The following GNAO1 variants were observed in gnomAD, a reference collection of about 807,000 sequenced individuals.
GNAO1 encodes guanine nucleotide-binding protein G(o) subunit alpha.
For missense variants in GNAO1, 166 were observed against 478.7 expected (o/e 0.35, Z 6.10); for synonymous variants, 164 against 180.7 (o/e 0.91, Z 0.74).
chr16:56,337,265 C>A (rs547809120), intron 6 of GNAO1, among the ~76,000 whole-genome samples: 1 of 152,314 alleles, frequency 6.6e-6, no homozygotes, highest in Admixed American at 6.5e-5. Flanking sequence ...GGGGCACTGG[C>A]GTCAGATGCT....
At chr16:56,208,867 CT>C (rs1236296665) in intron 2 of GNAO1, among the ~76,000 whole-genome samples, 1 of 152,020 alleles carries the variant, frequency 6.6e-6, no homozygotes, top group Non-Finnish European at 1.5e-5. Context: ...GTTGTAAATA[CT>C]AGTCTTTTTT....
chr16:56,199,708 A>G (rs2036264753), intron 2 of GNAO1, among the ~76,000 whole-genome samples: 1 of 152,220 alleles, frequency 6.6e-6, no homozygotes, highest in African/African-American at 2.4e-5. Flanking sequence ...TCGGGTTTCC[A>G]GCTCTAAGAT....
intron 2 of GNAO1, chr16:56,235,065 A>G (rs1223970590): frequency 3.1e-6 from 1 of 324,050 alleles, no homozygotes; most frequent in African/African-American, 2.2e-5. Flanking sequence ...TGCAAAAGAC[A>G]CCTATTCGCT....
intron 2 of GNAO1, among the ~76,000 whole-genome samples, chr16:56,206,902 C>T (rs1349022195): frequency 6.6e-6 from 1 of 152,208 alleles, no homozygotes; most frequent in Admixed American, 6.5e-5. Flanking sequence ...GGCTTCCTTA[C>T]ACCAGCTTAT....
intron 2 of GNAO1, among the ~76,000 whole-genome samples, chr16:56,268,026 A>G (rs1194797879): frequency 6.6e-6 from 1 of 152,026 alleles, no homozygotes. Context: ...CCCCTCTCCC[A>G]GGGGAGCATC....
chr16:56,194,638 A>AG lies in GNAO1; in HGVS notation c.161+2027dup, dbSNP rs1231713166. 5 of 158,708 alleles carry AG rather than the reference A, an allele frequency of 3.2e-5. No individual in the cohort carries two copies. The East Asian group carries it at 4.5e-4, about 14-fold the overall frequency. The allele number at this position is 158,708 out of a possible 1,614,324, so 9.8% of individuals were successfully genotyped here. On this transcript the variant is annotated intron_variant, in intron 2 of 8. Coordinates refer to ENST00000262493, the MANE Select transcript of GNAO1 (RefSeq NM_020988.3). The stretch of plus-strand genomic sequence containing the variant: ...GGCGGAGAGAGCCGAGCCGCTTCGG[A>AG]GGGGGTCGAAAGCATTCGGAAATAC...
intron 4 of GNAO1, among the ~76,000 whole-genome samples, chr16:56,331,560 T>C (rs1219642049): frequency 6.6e-6 from 1 of 151,934 alleles, no homozygotes; most frequent in Non-Finnish European, 1.5e-5. Context: ...ACCTGGTACC[T>C]CCTTTCACTC....
rs191906239 is a variant in GNAO1, at chr16:56,218,489, G to T, written c.161+25873G>T. 4.5e-3 allele frequency among the ~76,000 whole-genome samples: 687 copies of T among 152,262 alleles called. 1 individual carries two copies. The highest frequency in any genetic ancestry group is 7.1e-3 in the Non-Finnish European group (480 of 68,020). On this transcript the variant is annotated intron_variant, in intron 2 of 8. Coordinates refer to ENST00000262493, the MANE Select transcript of GNAO1 (RefSeq NM_020988.3). ...ATAAAATGAGAGATGACGAGACCTG[G>T]TGAACTTGGGGCCCAACTATACCAT...
chr16:56,334,355 A>G (rs1474485640), intron 4 of GNAO1, among the ~76,000 whole-genome samples: 1 of 152,262 alleles, frequency 6.6e-6, no homozygotes, highest in East Asian at 1.9e-4. Flanking sequence ...CAGGGAAATT[A>G]CACATGAAAC....
At position 56,192,363 on chromosome 16, in the gene GNAO1, G is replaced by GTA; in HGVS notation, c.118+10_118+11insTA. 6.7e-7 allele frequency: 1 copy of GTA among 1,487,744 alleles called. No homozygotes were observed. The highest frequency in any genetic ancestry group is 9.4e-7 in the Non-Finnish European group (1 of 1,066,556). 92.2% of individuals were successfully genotyped at this position (1,487,744 alleles called of 1,614,324 possible). ...AAATTACTCCTGCTCGGTAAGGACC[G>GTA]CCGCTGCTACCCCCATCCCCCGACC... On this transcript the variant is annotated intron_variant, in intron 1 of 8. Transcript: ENST00000262493.
At chr16:56,328,482 C>T in intron 3 of GNAO1, 149 bp from the exon 4 acceptor site, 1 of 745,124 alleles carries the variant, frequency 1.3e-6, no homozygotes, top group Middle Eastern at 3.6e-4. Context: ...AGGTCGTGGC[C>T]CTCCCTGGAG....
chr16:56,353,346 C>G (rs1204404595), intron 7 of GNAO1: 2 of 152,236 alleles, frequency 1.3e-5, no homozygotes, highest in African/African-American at 4.8e-5. Flanking sequence ...CTGTGGAGTG[C>G]AAGCACTAGA....
In GNAO1 at chr16:56,311,585, C is replaced by A. The variant is rs2037458881; in HGVS notation, c.304-17046C>A. Reference sequence around the variant, plus strand: ...GGCTGGAGCAGGCCACCCACCTGGCCCTGCGCTGAACTGAGAACCCGAGGA... The same window carrying A: ...GGCTGGAGCAGGCCACCCACCTGGCACTGCGCTGAACTGAGAACCCGAGGA... On this transcript the variant is annotated intron_variant, in intron 3 of 8. Coordinates refer to ENST00000262493, the MANE Select transcript of GNAO1 (RefSeq NM_020988.3). This position sits in a 1 kb window ranked among gnomAD's most constrained non-coding sequence, Gnocchi z 5.2. 6.6e-6 allele frequency among the ~76,000 whole-genome samples: 1 copy of A among 152,128 alleles called. No homozygotes were observed. Among genetic ancestry groups the A allele is most frequent in the African/African-American group, 2.4e-5 (1 of 41,420 alleles).
At chr16:56,211,666 T>C (rs1439781946) in intron 2 of GNAO1, among the ~76,000 whole-genome samples, 3 of 152,232 alleles carry the variant, frequency 2.0e-5, no homozygotes, top group Non-Finnish European at 4.4e-5. Flanking sequence ...TCTGGGCATC[T>C]TGTTTCAGTC....
chr16:56,199,948 A>G (rs1013761138), intron 2 of GNAO1, among the ~76,000 whole-genome samples: 30 of 152,318 alleles, frequency 2.0e-4, no homozygotes, highest in East Asian at 3.9e-4. Context: ...TGATTTGTCA[A>G]CCATCCTAGA....
chr16:56,265,666 G>C (rs1324296336), intron 2 of GNAO1, among the ~76,000 whole-genome samples: 1 of 152,190 alleles, frequency 6.6e-6, no homozygotes. Context: ...CCAAGAACAG[G>C]CCTTTCAGTC....
At chr16:56,280,163 T>G (rs1166501570) in intron 3 of GNAO1, among the ~76,000 whole-genome samples, 5 of 152,212 alleles carry the variant, frequency 3.3e-5, no homozygotes, top group African/African-American at 1.2e-4. Flanking sequence ...GTCATCTTCT[T>G]GGGAAGATGG....
chr16:56,248,633 G>A (rs1316672199), intron 2 of GNAO1, among the ~76,000 whole-genome samples: 2 of 152,196 alleles, frequency 1.3e-5, no homozygotes, highest in African/African-American at 4.8e-5. Flanking sequence ...TATGAGAGTG[G>A]TCAGGGACAT....
At chr16:56,353,276 A>G (rs754622381) in intron 7 of GNAO1, 19 of 152,342 alleles carry the variant, frequency 1.2e-4, no homozygotes, top group Admixed American at 2.6e-4. Flanking sequence ...GCCCAACCCT[A>G]CGGCTCTTTC....
Sources: allele counts gnomAD v4.1 joint callset (sites outside exome capture counted in the v4.1 genomes callset), GRCh38; gene constraint gnomAD v4.1.1; non-coding constraint Gnocchi (gnomAD v3.1); transcripts MANE v1.5; gene names NCBI Gene and HGNC (gene_info 2026-07-23, HGNC 2026-07-21).